The following TNFRSF10D variants were observed in gnomAD, a reference collection of about 807,000 sequenced individuals.
TNFRSF10D encodes TNF receptor superfamily member 10d, also known as tumor necrosis factor receptor superfamily member 10D.
Under a neutral mutation model 42.1 loss-of-function variants are expected in TNFRSF10D, and 28 were observed. The observed-to-expected ratio is 0.66, with a 90% CI of 0.49 to 0.91. The LOEUF (loss-of-function observed/expected upper bound fraction) is 0.91, where lower values mean the gene tolerates loss of function less well. Among genes scored for constraint, TNFRSF10D ranks in the 40% least tolerant of loss-of-function variants. TNFRSF10D has a pLI of 0.00. For missense variants in TNFRSF10D, 503 were observed against 486.1 expected (o/e 1.03, Z -0.33); for synonymous variants, 186 against 189.4 (o/e 0.98, Z 0.15).
chr8:23,135,591 TTAA>T lies in TNFRSF10D; in HGVS notation c.*2276_*2278del, dbSNP rs1389469829. On this transcript the variant is annotated 3_prime_UTR_variant, in exon 9 of 9. Coordinates refer to ENST00000312584, the MANE Select transcript of TNFRSF10D (RefSeq NM_003840.5). The stretch of plus-strand genomic sequence containing the variant: ...GGAAATAAACGAACACCACACCTTT[TTAA>T]TATGAGGTTTCATATTTATTTTGGT... The T allele has an allele frequency of 4.7e-3, 898 of 191,708 alleles. No homozygotes were observed. The highest frequency in any genetic ancestry group is 0.017 in the South Asian group (185 of 10,722). The allele number at this position is 191,708 out of a possible 1,614,324, so 11.9% of individuals were successfully genotyped here. A position where few individuals can be genotyped will look rare whatever the true frequency, so the allele number is the denominator to read the frequency against.
chr8:23,158,241 A>G (rs987673931), intron 1 of TNFRSF10D, among the ~76,000 whole-genome samples: 1 of 151,918 alleles, frequency 6.6e-6, no homozygotes, highest in African/African-American at 2.4e-5. Flanking sequence ...CCTCAGTCCA[A>G]TTCTTTCTTC....
Position 23,163,946 on chromosome 8 carries a change from G to A in TNFRSF10D, c.-11C>T. The A allele has an allele frequency of 6.5e-7, 1 of 1,545,930 alleles. No homozygotes were observed. Among genetic ancestry groups the A allele is most frequent in the Middle Eastern group, 1.7e-4 (1 of 5,832 alleles). On this transcript the variant is annotated 5_prime_UTR_variant, in exon 1 of 9. Transcript: ENST00000312584. ...TCCCCAAAGTCCCATGAGAAGGGAG[G>A]AGGGTGGATCGAAAGCGCCAAAAAT...
At chr8:23,152,610 C>T (rs545740895) in intron 2 of TNFRSF10D, among the ~76,000 whole-genome samples, 1 of 152,264 alleles carries the variant, frequency 6.6e-6, no homozygotes, top group East Asian at 1.9e-4. Context: ...TTTTAAACAA[C>T]TTACATTGGG....
chr8:23,159,192 C>T (rs576116251), intron 1 of TNFRSF10D, among the ~76,000 whole-genome samples: 9 of 152,022 alleles, frequency 5.9e-5, no homozygotes, highest in Non-Finnish European at 1.2e-4. Context: ...TCTTGAACTC[C>T]TGGGCTCTAA....
In TNFRSF10D at chr8:23,137,781, G is replaced by A. The variant is rs1814360630; in HGVS notation, c.*89C>T. The A allele has an allele frequency of 5.3e-6, 8 of 1,519,480 alleles. No homozygotes were observed. In the East Asian group the frequency reaches 1.8e-4, roughly 34 times the overall value. The allele number at this position is 1,519,480 out of a possible 1,614,324, so 94.1% of individuals were successfully genotyped here. Reference sequence around the variant, plus strand: ...GATAGTAGAGTTTGTTGGGGCATGGGTCAAGTACTGGACTGTTTCTTCCAG... The same window carrying A: ...GATAGTAGAGTTTGTTGGGGCATGGATCAAGTACTGGACTGTTTCTTCCAG... On this transcript the variant is annotated 3_prime_UTR_variant, in exon 9 of 9. Coordinates refer to ENST00000312584, the MANE Select transcript of TNFRSF10D (RefSeq NM_003840.5).
chr8:23,154,779 G>C, intron 2 of TNFRSF10D, 95 bp downstream of exon 2: 3 of 1,297,106 alleles, frequency 2.3e-6, no homozygotes, highest in Non-Finnish European at 3.3e-6. Flanking sequence ...TTCACAATGC[G>C]TGCATATTTC....
At chr8:23,146,614 G>C (rs948274519) in intron 4 of TNFRSF10D, among the ~76,000 whole-genome samples, 1 of 152,240 alleles carries the variant, frequency 6.6e-6, no homozygotes, top group Admixed American at 6.5e-5. Context: ...TACAAGCCAG[G>C]CTGGATTCAA....
chr8:23,156,922 C>T (rs1484023366), intron 1 of TNFRSF10D, among the ~76,000 whole-genome samples: 795 of 151,892 alleles, frequency 5.2e-3, no homozygotes, highest in African/African-American at 0.016. Flanking sequence ...TATGTTCCTC[C>T]TTGTTACTTT....
At chr8:23,154,793 A>C in intron 2 of TNFRSF10D, 81 bp downstream of exon 2, 1 of 1,398,370 alleles carries the variant, frequency 7.2e-7, no homozygotes, top group Non-Finnish European at 9.9e-7. Flanking sequence ...ATATTTCCAA[A>C]CATCATGGTG....
intron 7 of TNFRSF10D, among the ~76,000 whole-genome samples, chr8:23,141,518 A>C (rs1207392557): frequency 6.6e-6 from 1 of 151,378 alleles, no homozygotes; most frequent in Non-Finnish European, 1.5e-5. Context: ...AAAAAAAAAA[A>C]GTATCAACAG....
chr8:23,138,471 G>T (rs1287150563), intron 7 of TNFRSF10D, among the ~76,000 whole-genome samples: 1 of 150,976 alleles, frequency 6.6e-6, no homozygotes, highest in Admixed American at 6.6e-5. Context: ...TGCTCACTTT[G>T]TAAGTGTTCT....
intron 4 of TNFRSF10D, among the ~76,000 whole-genome samples, chr8:23,146,444 G>A (rs111667155): frequency 2.0e-4 from 31 of 152,304 alleles, no homozygotes; most frequent in African/African-American, 7.2e-4. Context: ...GGGTGAGGCC[G>A]GCTGGGTGGG....
At position 23,135,874 on chromosome 8, in the gene TNFRSF10D, C is replaced by T. The variant is rs190937395; in HGVS notation, c.*1996G>A. 108 of 451,836 alleles carry T rather than the reference C, an allele frequency of 2.4e-4. No homozygotes were observed. The highest frequency in any genetic ancestry group is 1.7e-3 in the African/African-American group (83 of 50,056). The allele number at this position is 451,836 out of a possible 1,614,324, so 28.0% of individuals were successfully genotyped here. ...CTCTCTGAGCTTTGAGACCAAGTCT[C>T]CTGCACAGAAGGCCCAGCAAAGGCA... On this transcript the variant is annotated 3_prime_UTR_variant, in exon 9 of 9. Transcript: ENST00000312584.
At chr8:23,154,600 C>T (rs111676586) in intron 2 of TNFRSF10D, among the ~76,000 whole-genome samples, 261 of 150,322 alleles carry the variant, frequency 1.7e-3, no homozygotes, top group Middle Eastern at 0.01. Context: ...GTTGCAACCA[C>T]GGATGCAACA....
intron 7 of TNFRSF10D, among the ~76,000 whole-genome samples, chr8:23,140,086 G>A (rs929993556): frequency 5.9e-5 from 9 of 152,066 alleles, no homozygotes; most frequent in Non-Finnish European, 1.0e-4. Context: ...TCAGGAGATC[G>A]AGACCATCCT....
rs1373400350 is a variant in TNFRSF10D, at chr8:23,137,955, T to C, written c.1076A>G (p.Lys359Arg). Residue 359 changes from lysine to arginine, a missense_variant, in exon 9 of 9, where the codon AAG becomes AGG. Coordinates refer to ENST00000312584, the MANE Select transcript of TNFRSF10D (RefSeq NM_003840.5). ...CACCAGTTGGTCCTGAATTGTTTCC[T>C]TTGCATGTCCTTCTTCCAGTGTTGC... ...ASATLEEGHA[K>R]ETIQDQLVGS... 6.2e-7 allele frequency: 1 copy of C among 1,614,244 alleles called. No homozygotes were observed. The highest frequency in any genetic ancestry group is 1.3e-5 in the African/African-American group (1 of 75,058).
chr8:23,150,824 G>A lies in TNFRSF10D; in HGVS notation c.257-2273C>T, dbSNP rs557599128. On this transcript the variant is annotated intron_variant, in intron 2 of 8. Coordinates refer to ENST00000312584, the MANE Select transcript of TNFRSF10D (RefSeq NM_003840.5). ...ATTAATCGGAAGAAAGAATCAGTGA[G>A]CTTGAAAACAGATCATTTGAAATTA... Among the ~76,000 whole-genome samples the A allele has an allele frequency of 3.9e-5, 6 of 151,990 alleles. 1 individual carries two copies. The highest frequency in any genetic ancestry group is 1.4e-4 in the African/African-American group (6 of 41,474).
At position 23,136,414 on chromosome 8, in the gene TNFRSF10D, AG is replaced by A. The variant is rs1188868355; in HGVS notation, c.*1455del. On this transcript the variant is annotated 3_prime_UTR_variant, in exon 9 of 9. Transcript: ENST00000312584. ...GAATCTCTGCCCTAAAAGGCATCCC[AG>A]GGACTCAGTTCACAGACCACCAGAA... The A allele has an allele frequency of 1.6e-5, 3 of 185,762 alleles. No individual in the cohort carries two copies. The highest frequency in any genetic ancestry group is 7.2e-5 in the African/African-American group (3 of 41,948). 11.5% of individuals were successfully genotyped at this position (185,762 alleles called of 1,614,324 possible). A position where few individuals can be genotyped will look rare whatever the true frequency, so the allele number is the denominator to read the frequency against.
intron 7 of TNFRSF10D, among the ~76,000 whole-genome samples, chr8:23,140,309 G>A (rs1366971174): frequency 6.6e-6 from 1 of 150,380 alleles, no homozygotes; most frequent in African/African-American, 2.4e-5. Context: ...AAAATCAGTA[G>A]CATATCTATA....
Sources: allele counts gnomAD v4.1 joint callset (sites outside exome capture counted in the v4.1 genomes callset), GRCh38; gene constraint gnomAD v4.1.1; transcripts MANE v1.5; gene names NCBI Gene and HGNC (gene_info 2026-07-23, HGNC 2026-07-21).